Variants in TASP1 observed in about 807,000 individuals in gnomAD.
The protein encoded by TASP1 is taspase 1.
In TASP1, 16 loss-of-function variants were observed where a neutral mutation model predicts 56.6. The ratio of observed to expected loss-of-function variants is 0.28; its 90% CI spans 0.19 to 0.43. The LOEUF is 0.43. TASP1 is among the 20% of genes least tolerant of loss of function. TASP1 has a pLI of 1.00. For synonymous variants in TASP1, 179 were observed against 184.2 expected (o/e 0.97, Z 0.23); for missense variants, 393 against 511.6 (o/e 0.77, Z 2.24).
the TASP1 span, among the ~76,000 whole-genome samples, chr20:13,135,485 T>C: frequency 4.6e-5 from 7 of 152,214 alleles, no homozygotes; most frequent in East Asian, 9.6e-4. Context: ...CTGATGCATC[T>C]AGTGAATATT....
intron 11 of TASP1, among the ~76,000 whole-genome samples, chr20:13,459,313 A>G (rs1035050731): frequency 6.6e-5 from 10 of 152,104 alleles, no homozygotes; most frequent in Non-Finnish European, 1.5e-4. Context: ...TGCACAGTGC[A>G]TACCTTCTGG....
chr20:13,593,992 T>C (rs777627633), intron 4 of TASP1, among the ~76,000 whole-genome samples: 1 of 152,154 alleles, frequency 6.6e-6, no homozygotes, highest in Non-Finnish European at 1.5e-5. Context: ...CCCTCTGAGA[T>C]GTAGCTTCCA....
the TASP1 span, among the ~76,000 whole-genome samples, chr20:13,381,852 A>G: frequency 6.6e-6 from 1 of 152,328 alleles, no homozygotes; most frequent in East Asian, 1.9e-4. Context: ...TGATTTATAC[A>G]TGATTTGCGG....
intron 11 of TASP1, among the ~76,000 whole-genome samples, chr20:13,462,664 A>G (rs2044098188): frequency 6.6e-6 from 1 of 152,166 alleles, no homozygotes; most frequent in Non-Finnish European, 1.5e-5. Flanking sequence ...CTAACAGTGA[A>G]CAATCTGAAA....
At chr20:13,519,860 T>C (rs550504805) in intron 10 of TASP1, among the ~76,000 whole-genome samples, 11 of 152,226 alleles carry the variant, frequency 7.2e-5, no homozygotes, top group African/African-American at 2.4e-4. Flanking sequence ...CATGATTGTA[T>C]ATCTAGAAAA....
intron 1 of TASP1, among the ~76,000 whole-genome samples, chr20:13,638,362 T>TC (rs914659127): frequency 6.0e-5 from 9 of 150,584 alleles, no homozygotes; most frequent in East Asian, 1.9e-4. Flanking sequence ...GCTCCTGCTT[T>TC]CCCCCCCTCC....
chr20:13,106,493 C>G, the TASP1 span, among the ~76,000 whole-genome samples: 7 of 152,278 alleles, frequency 4.6e-5, 1 homozygote, highest in South Asian at 1.2e-3. Flanking sequence ...GATGAGTGAG[C>G]ATTCTCCAGA....
the TASP1 span, among the ~76,000 whole-genome samples, chr20:13,148,572 C>T: frequency 6.6e-6 from 1 of 152,144 alleles, no homozygotes; most frequent in Non-Finnish European, 1.5e-5. Flanking sequence ...AAGAGGCTAC[C>T]ACATATGCCC....
intron 4 of TASP1, among the ~76,000 whole-genome samples, chr20:13,601,193 G>A (rs973802139): frequency 1.3e-5 from 2 of 151,976 alleles, no homozygotes; most frequent in African/African-American, 4.8e-5. Context: ...TGGGAGGATG[G>A]CTTGAGCCTG....
At chr20:13,497,974 C>T (rs1035602423) in intron 10 of TASP1, among the ~76,000 whole-genome samples, 2 of 152,124 alleles carry the variant, frequency 1.3e-5, no homozygotes, top group African/African-American at 4.8e-5. Flanking sequence ...TCACCATATA[C>T]AAAAATTAAC....
intron 13 of TASP1, among the ~76,000 whole-genome samples, chr20:13,408,204 G>T (rs991180282): frequency 2.0e-5 from 3 of 151,920 alleles, no homozygotes; most frequent in Admixed American, 2.0e-4. Flanking sequence ...TTAATATTTT[G>T]GTTCCTGATA....
intron 10 of TASP1, among the ~76,000 whole-genome samples, chr20:13,493,566 T>C (rs2043618743): frequency 6.6e-6 from 1 of 152,182 alleles, no homozygotes; most frequent in Non-Finnish European, 1.5e-5. Flanking sequence ...CTGGGGGCTC[T>C]TGGGCCTTTG....
intron 13 of TASP1, chr20:13,392,960 T>G: frequency 1.7e-6 from 1 of 603,270 alleles, no homozygotes; most frequent in Non-Finnish European, 3.1e-6. Context: ...GAGTACATTA[T>G]GGAGCCCACC....
At chr20:13,352,959 G>A in the TASP1 span, among the ~76,000 whole-genome samples, 12 of 151,908 alleles carry the variant, frequency 7.9e-5, no homozygotes, top group South Asian at 1.7e-3. Context: ...TCCCTGGAGC[G>A]GGCAAGGTGG....
At chr20:13,210,810 T>C in the TASP1 span, among the ~76,000 whole-genome samples, 1 of 152,190 alleles carries the variant, frequency 6.6e-6, no homozygotes, top group African/African-American at 2.4e-5. Flanking sequence ...ACCGAAATCT[T>C]CTATTCATCA....
At chr20:13,444,780 AC>A (rs1236082032) in intron 11 of TASP1, among the ~76,000 whole-genome samples, 3 of 152,178 alleles carry the variant, frequency 2.0e-5, no homozygotes, top group Non-Finnish European at 4.4e-5. Flanking sequence ...CAAAGAAAGA[AC>A]CTTAGGCATA....
chr20:13,380,917 G>A, the TASP1 span, among the ~76,000 whole-genome samples: 2 of 152,138 alleles, frequency 1.3e-5, no homozygotes, highest in African/African-American at 4.8e-5. Context: ...AATGGCGGAC[G>A]CCCCTCCCCC....
chr20:13,406,585 T>C (rs2041928293), intron 13 of TASP1, among the ~76,000 whole-genome samples: 3 of 152,158 alleles, frequency 2.0e-5, no homozygotes, highest in Admixed American at 6.5e-5. Context: ...TTAGTATGAT[T>C]TTAGCTGTAG....
At chr20:13,425,805 G>C (rs1258883658) in intron 12 of TASP1, among the ~76,000 whole-genome samples, 1 of 151,956 alleles carries the variant, frequency 6.6e-6, no homozygotes, top group Non-Finnish European at 1.5e-5. Context: ...TAACCAGCAG[G>C]GTGTTTATCT....
Sources: allele counts gnomAD v4.1 joint callset (sites outside exome capture counted in the v4.1 genomes callset), GRCh38; gene constraint gnomAD v4.1.1; transcripts MANE v1.5; gene names NCBI Gene and HGNC (gene_info 2026-07-23, HGNC 2026-07-21).